SPOCK3: variants seen among roughly 807,000 people sequenced by gnomAD.
The protein encoded by SPOCK3 is SPARC (osteonectin), cwcv and kazal like domains proteoglycan 3.
In SPOCK3, 30 loss-of-function variants were observed where a neutral mutation model predicts 56.6. That is an observed-to-expected ratio of 0.53 (90% CI 0.40 to 0.72). The LOEUF is 0.72. Among genes scored for constraint, SPOCK3 ranks in the 30% least tolerant of loss-of-function variants. The pLI, the probability that SPOCK3 is intolerant of heterozygous loss-of-function variation, is 0.00. For missense variants in SPOCK3, 527 were observed against 530.0 expected (o/e 0.99, Z 0.06); for synonymous variants, 196 against 183.3 (o/e 1.07, Z -0.56).
intron 2 of SPOCK3, among the ~76,000 whole-genome samples, chr4:167,096,394 G>A (rs1417874069): frequency 1.3e-5 from 2 of 151,766 alleles, no homozygotes; most frequent in African/African-American, 4.8e-5. Context: ...TATTCAGCAT[G>A]ATCACTTTCC....
chr4:166,926,443 T>TTCTTCAGGCTATGCTATTC (rs562830061), intron 4 of SPOCK3, among the ~76,000 whole-genome samples: 228 of 152,302 alleles, frequency 1.5e-3, no homozygotes, highest in Admixed American at 2.7e-3. Flanking sequence ...CTTTGGTATT[T>TTCTTCAGGCTATGCTATTC]TCTTCAGGCT....
intron 3 of SPOCK3, among the ~76,000 whole-genome samples, chr4:167,028,060 T>C (rs1751878771): frequency 6.6e-6 from 1 of 152,074 alleles, no homozygotes; most frequent in South Asian, 2.1e-4. Flanking sequence ...CTTTGATATC[T>C]TCTGTTGGAC....
intron 3 of SPOCK3, among the ~76,000 whole-genome samples, chr4:167,036,221 G>C (rs1426968794): frequency 6.6e-6 from 1 of 152,066 alleles, no homozygotes; most frequent in Admixed American, 6.6e-5. Context: ...CTTTTGCGAC[G>C]TGCCAAAATG....
At chr4:167,039,042 G>C (rs1430723458) in intron 3 of SPOCK3, among the ~76,000 whole-genome samples, 1 of 152,096 alleles carries the variant, frequency 6.6e-6, no homozygotes, top group Non-Finnish European at 1.5e-5. Context: ...TGAAATCAAG[G>C]AATCAGCAGT....
chr4:167,039,414 C>A lies in SPOCK3; in HGVS notation c.235+23078G>T, dbSNP rs532699825. Among the ~76,000 whole-genome samples the A allele has an allele frequency of 1.8e-4, 27 of 152,158 alleles. 1 individual carries two copies. The South Asian group carries it at 5.4e-3, about 30-fold the overall frequency. ...TGATCTTACCTTACTTCATAGGTGA[C>A]AATAACACTTAAAATCAATTATTAA... On this transcript the variant is annotated intron_variant, in intron 3 of 10. Coordinates refer to ENST00000357545, the MANE Select transcript of SPOCK3 (RefSeq NM_001040159.2).
chr4:167,143,843 G>T (rs1331534396), intron 2 of SPOCK3, among the ~76,000 whole-genome samples: 2 of 152,050 alleles, frequency 1.3e-5, no homozygotes, highest in Non-Finnish European at 2.9e-5. Flanking sequence ...TTCTATTAAT[G>T]AATGAGGTAC....
At chr4:167,028,156 G>A (rs1463980458) in intron 3 of SPOCK3, among the ~76,000 whole-genome samples, 2 of 151,810 alleles carry the variant, frequency 1.3e-5, no homozygotes, top group Admixed American at 6.6e-5. Flanking sequence ...GGAGGCTGAG[G>A]CAGGAGGATC....
chr4:166,741,494 C>A (rs1734841205), intron 9 of SPOCK3, among the ~76,000 whole-genome samples: 1 of 152,058 alleles, frequency 6.6e-6, no homozygotes, highest in Non-Finnish European at 1.5e-5. Flanking sequence ...TATTTCAAGG[C>A]TTTGAATAAA....
chr4:166,871,327 A>T (rs1732444617), intron 6 of SPOCK3, among the ~76,000 whole-genome samples: 1 of 152,112 alleles, frequency 6.6e-6, no homozygotes, highest in South Asian at 2.1e-4. Flanking sequence ...TTAACCAAGA[A>T]ATAAAAAGAG....
At chr4:167,097,494 T>C (rs577844321) in intron 2 of SPOCK3, among the ~76,000 whole-genome samples, 2 of 152,110 alleles carry the variant, frequency 1.3e-5, no homozygotes, top group South Asian at 2.1e-4. Flanking sequence ...CTTATGGGTG[T>C]CATGGTAAGA....
At position 166,748,520 on chromosome 4, in the gene SPOCK3, A is replaced by C. The variant is rs1334504847; in HGVS notation, c.931+5988T>G. ...TTAAAGACTTAAATGTTAGACCTAA[A>C]GCCATAAAAACCCTAGAAGAAAACC... On this transcript the variant is annotated intron_variant, in intron 8 of 10. Coordinates refer to ENST00000357545, the MANE Select transcript of SPOCK3 (RefSeq NM_001040159.2). Among the ~76,000 whole-genome samples, 30 of 137,072 alleles carry C rather than the reference A, an allele frequency of 2.2e-4. 6 individuals are homozygous for C. Among genetic ancestry groups the C allele is most frequent in the African/African-American group, 9.0e-4 (29 of 32,276 alleles). The allele number at this position is 137,072 out of a possible 152,430, so 89.9% of individuals were successfully genotyped here.
intron 3 of SPOCK3, among the ~76,000 whole-genome samples, chr4:167,056,451 G>A (rs1754876838): frequency 6.6e-6 from 1 of 152,222 alleles, no homozygotes; most frequent in African/African-American, 2.4e-5. Flanking sequence ...ACTTTGACGA[G>A]CTGAGAGAAG....
intron 2 of SPOCK3, among the ~76,000 whole-genome samples, chr4:167,205,326 A>ATATTATATATTATATATATTTT (rs1561321307): frequency 2.5e-5 from 1 of 39,262 alleles, no homozygotes; most frequent in African/African-American, 9.9e-5. Flanking sequence ...TTATATATAT[A>ATATTATATATTATATATATTTT]ATATATATTA....
At chr4:167,116,771 T>G (rs1423919379) in intron 2 of SPOCK3, among the ~76,000 whole-genome samples, 2 of 138,818 alleles carry the variant, frequency 1.4e-5, no homozygotes, top group East Asian at 4.1e-4. Flanking sequence ...TACACACATA[T>G]AGTATATATA....
At chr4:166,870,944 C>T (rs770678831) in intron 6 of SPOCK3, among the ~76,000 whole-genome samples, 17 of 152,008 alleles carry the variant, frequency 1.1e-4, no homozygotes, top group Non-Finnish European at 2.2e-4. Context: ...TCTGGCATTA[C>T]CCCTGCTCAC....
chr4:166,841,074 G>A (rs144575424), intron 6 of SPOCK3, among the ~76,000 whole-genome samples: 41 of 151,554 alleles, frequency 2.7e-4, no homozygotes, highest in Non-Finnish European at 4.4e-4. Flanking sequence ...CCCCACGCCC[G>A]GCCCGCAGAA....
chr4:167,226,615 A>T (rs1736625724), intron 2 of SPOCK3, among the ~76,000 whole-genome samples: 1 of 152,114 alleles, frequency 6.6e-6, no homozygotes, highest in Non-Finnish European at 1.5e-5. Flanking sequence ...TTAAAGATTA[A>T]ATTTCCCAGT....
chr4:166,768,123 G>C (rs879012637), intron 7 of SPOCK3, among the ~76,000 whole-genome samples: 1 of 151,920 alleles, frequency 6.6e-6, no homozygotes, highest in African/African-American at 2.4e-5. Context: ...GCACACTGAT[G>C]GGTCTTGACT....
intron 6 of SPOCK3, among the ~76,000 whole-genome samples, chr4:166,836,154 CTG>C (rs1746595130): frequency 6.6e-6 from 1 of 152,128 alleles, no homozygotes; most frequent in Non-Finnish European, 1.5e-5. Flanking sequence ...CTCAAGTTGT[CTG>C]TGTCTAATAA....
Sources: allele counts gnomAD v4.1 joint callset (sites outside exome capture counted in the v4.1 genomes callset), GRCh38; gene constraint gnomAD v4.1.1; transcripts MANE v1.5; gene names NCBI Gene and HGNC (gene_info 2026-07-23, HGNC 2026-07-21).